Variants in CXCL13 observed in about 807,000 individuals in gnomAD.
CXCL13 encodes C-X-C motif chemokine ligand 13.
In CXCL13, 7 loss-of-function variants were observed where a neutral mutation model predicts 12.2. That is an observed-to-expected ratio of 0.57 (90% CI 0.33 to 1.07). The LOEUF (loss-of-function observed/expected upper bound fraction) is 1.07, where lower values mean the gene tolerates loss of function less well. Among genes scored for constraint, CXCL13 ranks in the 50% least tolerant of loss-of-function variants. CXCL13 has a pLI of 0.04. For synonymous variants in CXCL13, 47 were observed against 42.4 expected (o/e 1.11, Z -0.42); for missense variants, 113 against 127.4 (o/e 0.89, Z 0.55).
intron 1 of CXCL13, among the ~76,000 whole-genome samples, chr4:77,578,289 G>C (rs1257408340): frequency 6.6e-6 from 1 of 152,166 alleles, no homozygotes; most frequent in Non-Finnish European, 1.5e-5. Flanking sequence ...TGGAGCCACA[G>C]ATGATGGCCC....
chr4:77,516,772 T>C (rs1408205497), intron 1 of CXCL13, among the ~76,000 whole-genome samples: 2 of 152,190 alleles, frequency 1.3e-5, no homozygotes, highest in Non-Finnish European at 2.9e-5. Context: ...CCTGGATTCA[T>C]TAATTTTTTG....
At chr4:77,539,865 AG>A (rs890884383) in intron 1 of CXCL13, among the ~76,000 whole-genome samples, 2 of 151,974 alleles carry the variant, frequency 1.3e-5, no homozygotes, top group Admixed American at 6.6e-5. Context: ...TGGTGGGGGT[AG>A]GGGGGGAATC....
At chr4:77,557,236 C>T (rs1725681209) in intron 1 of CXCL13, among the ~76,000 whole-genome samples, 1 of 152,192 alleles carries the variant, frequency 6.6e-6, no homozygotes, top group Non-Finnish European at 1.5e-5. Flanking sequence ...AACGATGTTT[C>T]AGGTCTCTAA....
At chr4:77,568,042 A>G (rs1725979178) in intron 1 of CXCL13, among the ~76,000 whole-genome samples, 1 of 152,166 alleles carries the variant, frequency 6.6e-6, no homozygotes, top group African/African-American at 2.4e-5. Flanking sequence ...CATGAAGCCA[A>G]TAACCCCAAT....
chr4:77,543,144 A>G (rs189766387), intron 1 of CXCL13, among the ~76,000 whole-genome samples: 47 of 152,106 alleles, frequency 3.1e-4, no homozygotes, highest in Non-Finnish European at 5.7e-4. Flanking sequence ...TCTAGTCTGT[A>G]TGCATAGAGG....
intron 1 of CXCL13, among the ~76,000 whole-genome samples, chr4:77,528,781 A>C (rs1177682405): frequency 6.6e-6 from 1 of 152,144 alleles, no homozygotes; most frequent in Non-Finnish European, 1.5e-5. Flanking sequence ...TCTTCAGTTT[A>C]ATTAGATCCC....
At chr4:77,568,662 T>G (rs1327400857) in intron 1 of CXCL13, among the ~76,000 whole-genome samples, 2 of 152,088 alleles carry the variant, frequency 1.3e-5, no homozygotes, top group African/African-American at 4.8e-5. Context: ...CTGGAGATGC[T>G]CTAGGGTTTT....
chr4:77,561,195 CA>C (rs34304097), intron 1 of CXCL13, among the ~76,000 whole-genome samples: 1 of 152,074 alleles, frequency 6.6e-6, no homozygotes, highest in Non-Finnish European at 1.5e-5. Context: ...AACCTTGCTG[CA>C]AAAAGTGTGG....
At chr4:77,583,406 G>A (rs1726383459) in intron 1 of CXCL13, among the ~76,000 whole-genome samples, 1 of 152,202 alleles carries the variant, frequency 6.6e-6, no homozygotes, top group Admixed American at 6.5e-5. Context: ...TGTTTTGAAA[G>A]CCAGACTCAA....
rs551373197 is a variant in CXCL13, at chr4:77,559,779, G to A, written c.-42-46045G>A. Among the ~76,000 whole-genome samples, 271 of 151,990 alleles carry A rather than the reference G, an allele frequency of 1.8e-3. 1 individual carries two copies. The Middle Eastern group carries it at 0.02, about 11-fold the overall frequency. ...CTACTAAAAATACAAAAAATTAGTC[G>A]GGCATGGTGGCGGGTGCCTGTAGTC... On this transcript the variant is annotated intron_variant, in intron 1 of 4. Transcript: ENST00000286758.
intron 1 of CXCL13, among the ~76,000 whole-genome samples, chr4:77,523,966 C>T (rs993491960): frequency 8.5e-5 from 13 of 152,204 alleles, no homozygotes; most frequent in African/African-American, 3.1e-4. Context: ...ACAGTCAGGT[C>T]CCTCAGCTGC....
chr4:77,588,345 G>T (rs1293755033), intron 1 of CXCL13, among the ~76,000 whole-genome samples: 2 of 152,044 alleles, frequency 1.3e-5, no homozygotes, highest in Non-Finnish European at 2.9e-5. Flanking sequence ...AGAAAGAGTG[G>T]CCACGGTTGG....
chr4:77,564,586 C>A (rs1288098084), intron 1 of CXCL13, among the ~76,000 whole-genome samples: 4 of 152,226 alleles, frequency 2.6e-5, no homozygotes, highest in African/African-American at 4.8e-5. Flanking sequence ...TTTAATCTGA[C>A]AACAACCCTT....
chr4:77,528,566 T>C (rs1464285322), intron 1 of CXCL13, among the ~76,000 whole-genome samples: 1 of 152,232 alleles, frequency 6.6e-6, no homozygotes, highest in Non-Finnish European at 1.5e-5. Context: ...TTTGGCTGCA[T>C]AAATGTCTTC....
At chr4:77,553,896 G>A (rs983835972) in intron 1 of CXCL13, among the ~76,000 whole-genome samples, 3 of 152,122 alleles carry the variant, frequency 2.0e-5, no homozygotes, top group Non-Finnish European at 2.9e-5. Flanking sequence ...AAGGACTATA[G>A]TTAATAGCGT....
At chr4:77,513,693 C>T (rs1306966918) in intron 1 of CXCL13, among the ~76,000 whole-genome samples, 1 of 152,110 alleles carries the variant, frequency 6.6e-6, no homozygotes, top group East Asian at 1.9e-4. Flanking sequence ...ACCTTGTGAT[C>T]CACCCAACTC....
chr4:77,585,166 A>C (rs1457579018), intron 1 of CXCL13, among the ~76,000 whole-genome samples: 1 of 152,194 alleles, frequency 6.6e-6, no homozygotes, highest in African/African-American at 2.4e-5. Flanking sequence ...AGGCTTTATC[A>C]AAGCTGTTTT....
At chr4:77,528,621 G>C (rs139567420) in intron 1 of CXCL13, among the ~76,000 whole-genome samples, 2 of 152,088 alleles carry the variant, frequency 1.3e-5, no homozygotes, top group East Asian at 1.9e-4. Flanking sequence ...TTTTTGATGG[G>C]CCTGTTTGTT....
chr4:77,540,798 C>G (rs1026900033), intron 1 of CXCL13, among the ~76,000 whole-genome samples: 10 of 152,084 alleles, frequency 6.6e-5, no homozygotes, highest in Non-Finnish European at 1.5e-4. Flanking sequence ...CTGGGTCAAA[C>G]AGTAGTTCCT....
Sources: allele counts gnomAD v4.1 joint callset (sites outside exome capture counted in the v4.1 genomes callset), GRCh38; gene constraint gnomAD v4.1.1; transcripts MANE v1.5; gene names NCBI Gene and HGNC (gene_info 2026-07-23, HGNC 2026-07-21).